The following FOCAD variants were observed in gnomAD, a reference collection of about 807,000 sequenced individuals.
FOCAD encodes the protein KIAA1797.
In FOCAD, 198 loss-of-function variants were observed where a neutral mutation model predicts 225.6. That is an observed-to-expected ratio of 0.88 (90% CI 0.78 to 0.99). The LOEUF (loss-of-function observed/expected upper bound fraction) is 0.99. FOCAD is among the 50% of genes least tolerant of loss of function. The pLI is 0.00. For synonymous variants in FOCAD, 897 were observed against 755.0 expected (o/e 1.19, Z -3.08); for missense variants, 2,713 against 2,123.6 (o/e 1.28, Z -5.46).
intron 20 of FOCAD, among the ~76,000 whole-genome samples, chr9:20,883,999 G>T (rs1830894519): frequency 6.6e-6 from 1 of 152,160 alleles, no homozygotes; most frequent in South Asian, 2.1e-4. Context: ...GGGAGAAGAG[G>T]GAGAGTGAGT....
rs183495792 is a variant in FOCAD at position 20,702,654 on chromosome 9, C to T, written c.-32-12668C>T. ...ATACGTATAAAAAGCTTTGACAGTA[C>T]CTGCCTGGCACATGGTAAAATTCTC... On this transcript the variant is annotated intron_variant, in intron 1 of 43. Coordinates refer to ENST00000338382, the MANE Select transcript of FOCAD (RefSeq NM_001375567.1). Among the ~76,000 whole-genome samples, 338 of 152,232 alleles carry T rather than the reference C, an allele frequency of 2.2e-3. 1 individual carries two copies. The highest frequency in any genetic ancestry group is 7.6e-3 in the African/African-American group (317 of 41,544).
intron 11 of FOCAD, among the ~76,000 whole-genome samples, chr9:20,817,770 T>C (rs1823884934): frequency 6.6e-6 from 1 of 152,274 alleles, no homozygotes; most frequent in South Asian, 2.1e-4. Context: ...TTATACTGTA[T>C]TTTGTTTATT....
intron 11 of FOCAD, 128 bp from the exon 12 acceptor site, chr9:20,819,668 A>T (rs928586449): frequency 2.2e-6 from 1 of 459,818 alleles, no homozygotes; most frequent in Admixed American, 4.2e-5. Context: ...TAGCTAACTG[A>T]TATATTCTAA....
chr9:20,799,449 T>TCCGCCAC (rs545747710), intron 11 of FOCAD, among the ~76,000 whole-genome samples: 1 of 152,184 alleles, frequency 6.6e-6, no homozygotes, highest in Non-Finnish European at 1.5e-5. Flanking sequence ...CAGTGGGGTG[T>TCCGCCAC]TAAAGTCTCC....
At chr9:20,724,257 G>T (rs1050718991) in intron 4 of FOCAD, among the ~76,000 whole-genome samples, 3 of 152,102 alleles carry the variant, frequency 2.0e-5, no homozygotes, top group African/African-American at 4.8e-5. Flanking sequence ...ATATTCCATT[G>T]TGTGGATGAG....
chr9:20,754,363 C>G (rs1828847897), intron 5 of FOCAD, among the ~76,000 whole-genome samples: 1 of 152,060 alleles, frequency 6.6e-6, no homozygotes, highest in African/African-American at 2.4e-5. Flanking sequence ...GCCTTTTATT[C>G]TATGTTTTCC....
At chr9:20,678,310 A>C (rs866328090) in intron 2 of FOCAD, among the ~76,000 whole-genome samples, 2 of 152,190 alleles carry the variant, frequency 1.3e-5, no homozygotes, top group African/African-American at 4.8e-5. Context: ...CATCATTCTT[A>C]TTGCCCAAGC....
chr9:20,849,423 T>A (rs780029056), intron 15 of FOCAD, among the ~76,000 whole-genome samples: 2 of 151,964 alleles, frequency 1.3e-5, no homozygotes, highest in South Asian at 2.1e-4. Flanking sequence ...ATATTATAGA[T>A]GTTTTTCTGG....
chr9:20,744,262 T>C lies in FOCAD; in HGVS notation c.392+3922T>C, dbSNP rs142218549. On this transcript the variant is annotated intron_variant, in intron 5 of 43. Transcript: ENST00000338382. ...GCTCATCTTTGGAGTTTTTAATGTT[T>C]GGAGCATGGCCCAGACTTCTGCATT... is the stretch of plus-strand genomic sequence containing the variant. 3.6e-3 allele frequency among the ~76,000 whole-genome samples: 555 copies of C among 152,306 alleles called. 3 individuals carry two copies. Among genetic ancestry groups the C allele is most frequent in the African/African-American group, 0.013 (522 of 41,566 alleles).
At chr9:20,811,587 T>G (rs1447504201) in intron 11 of FOCAD, among the ~76,000 whole-genome samples, 1 of 152,070 alleles carries the variant, frequency 6.6e-6, no homozygotes, top group Non-Finnish European at 1.5e-5. Context: ...ATAATGTTAG[T>G]ATATAAATAT....
intron 43 of FOCAD, among the ~76,000 whole-genome samples, chr9:20,994,747 C>CTTT (rs2132732714): frequency 6.6e-6 from 1 of 152,122 alleles, no homozygotes; most frequent in Non-Finnish European, 1.5e-5. Flanking sequence ...TTTTAATGGC[C>CTTT]ATAATAACGT....
intron 11 of FOCAD, among the ~76,000 whole-genome samples, chr9:20,814,729 A>T (rs1222130910): frequency 6.6e-6 from 1 of 152,094 alleles, no homozygotes; most frequent in Non-Finnish European, 1.5e-5. Flanking sequence ...TCAATATCTA[A>T]CAATATTTTA....
intron 18 of FOCAD, chr9:20,872,686 C>G (rs1409311641): frequency 6.6e-6 from 1 of 151,830 alleles, no homozygotes; most frequent in Non-Finnish European, 1.5e-5. Context: ...GTACAACTTA[C>G]CCTTTAAAGT....
intron 7 of FOCAD, among the ~76,000 whole-genome samples, chr9:20,766,197 A>T (rs1830039415): frequency 6.6e-6 from 1 of 152,146 alleles, no homozygotes; most frequent in Non-Finnish European, 1.5e-5. Context: ...ATGCTTTTAG[A>T]AATGAGCTCG....
At chr9:20,882,860 A>G (rs75094968) in intron 20 of FOCAD, among the ~76,000 whole-genome samples, 2 of 152,224 alleles carry the variant, frequency 1.3e-5, no homozygotes, top group East Asian at 3.9e-4. Flanking sequence ...GCAGACCTAA[A>G]TCTCTCATAA....
chr9:20,876,271 G>T (rs1257285767), intron 19 of FOCAD, among the ~76,000 whole-genome samples: 4 of 152,104 alleles, frequency 2.6e-5, no homozygotes, highest in Non-Finnish European at 5.9e-5. Context: ...CCTCCCTGAA[G>T]TTAACATGAG....
intron 2 of FOCAD, among the ~76,000 whole-genome samples, chr9:20,674,070 AG>A (rs1822156761): frequency 6.6e-6 from 1 of 152,340 alleles, no homozygotes; most frequent in East Asian, 1.9e-4. Flanking sequence ...TGTTGCAGTC[AG>A]TTTGTCACAA....
chr9:20,961,091 C>T lies in FOCAD; in HGVS notation c.4132+8026C>T, dbSNP rs117638199. 2.2e-3 allele frequency among the ~76,000 whole-genome samples: 336 copies of T among 151,918 alleles called. 9 individuals carry two copies. The East Asian group carries it at 0.043, about 19-fold the overall frequency. Reference sequence around the variant, plus strand: ...AATGGGAGAAAATTTTTGCAATCTACCCATCTATGTTTTTTATTAGGCGTT... The same window carrying T: ...AATGGGAGAAAATTTTTGCAATCTATCCATCTATGTTTTTTATTAGGCGTT... On this transcript the variant is annotated intron_variant, in intron 35 of 43. Coordinates refer to ENST00000338382, the MANE Select transcript of FOCAD (RefSeq NM_001375567.1).
At chr9:20,946,238 C>T (rs1272419373) in intron 29 of FOCAD, among the ~76,000 whole-genome samples, 1 of 152,176 alleles carries the variant, frequency 6.6e-6, no homozygotes, top group Non-Finnish European at 1.5e-5. Flanking sequence ...CACTACTTCT[C>T]CTAGGGAATC....
Sources: gnomAD v4.1 joint callset for allele counts (sites outside exome capture counted in the v4.1 genomes callset) on GRCh38, gnomAD v4.1.1 for gene constraint, MANE v1.5 for transcripts, NCBI Gene and HGNC (gene_info 2026-07-23, HGNC 2026-07-21) for gene names.